The following ANKLE2 variants were observed in gnomAD, a reference collection of about 807,000 sequenced individuals.
The protein encoded by ANKLE2 is ankyrin repeat and LEM domain-containing protein 2.
ANKLE2 carries 55 observed loss-of-function variants against 84.2 expected under a neutral mutation model. The observed-to-expected ratio is 0.65, with a 90% CI of 0.53 to 0.82. ANKLE2 has a LOEUF of 0.82. Ranked by LOEUF, ANKLE2 falls within the 40% of genes least tolerant of loss-of-function variation. The pLI is 0.00. For missense variants in ANKLE2, 1,238 were observed against 1,201.9 expected (o/e 1.03, Z -0.44); for synonymous variants, 551 against 486.1 (o/e 1.13, Z -1.76).
rs1329025937 is a variant in ANKLE2 at position 132,732,642 on chromosome 12, C to T, written c.1891+1743G>A. On this transcript the variant is annotated intron_variant, in intron 10 of 12. Transcript: ENST00000357997. ...CTGGTGTCTGATACGCACCGTGAAG[C>T]GCTCTGCGTGCTGGTGTCTGATACG... Among the ~76,000 whole-genome samples the T allele has an allele frequency of 2.2e-4, 21 of 96,622 alleles. 2 individuals carry two copies. In the South Asian group the frequency reaches 3.6e-3, roughly 16 times the overall value. 63.4% of individuals were successfully genotyped at this position (96,622 alleles called of 152,430 possible).
chr12:132,754,695 TCATACACTGGACACA>T lies in ANKLE2; in HGVS notation c.605_619del (p.Val202_Tyr206del), dbSNP rs773590778. 4 of 1,609,786 alleles carry T rather than the reference TCATACACTGGACACA, an allele frequency of 2.5e-6. No individual in the cohort carries two copies. In the Admixed American group the frequency reaches 5.1e-5, roughly 20 times the overall value. Reference sequence around the variant, plus strand: ...ATTACCATTTCTCGCTGGGACGTCCTCATACACTGGACACACCCCATAGTACAGGGGCGGCTCCTT... The same window carrying T: ...ATTACCATTTCTCGCTGGGACGTCCTCCCCATAGTACAGGGGCGGCTCCTT... On this transcript the variant is annotated inframe_deletion, in exon 2 of 13. Coordinates refer to ENST00000357997, the MANE Select transcript of ANKLE2 (RefSeq NM_015114.3).
At chr12:132,749,702 G>T (rs1247917578) in intron 3 of ANKLE2, among the ~76,000 whole-genome samples, 1 of 152,228 alleles carries the variant, frequency 6.6e-6, no homozygotes. Context: ...GGTAAAGGCG[G>T]AGGTTCTACC....
At chr12:132,758,434 G>A (rs2044530142) in intron 1 of ANKLE2, 2 of 152,264 alleles carry the variant, frequency 1.3e-5, no homozygotes, top group African/African-American at 4.8e-5. Context: ...GAAATTGGAA[G>A]TATCAGTATG....
At chr12:132,732,705 G>A (rs1474217940) in intron 10 of ANKLE2, among the ~76,000 whole-genome samples, 7 of 111,278 alleles carry the variant, frequency 6.3e-5, no homozygotes, top group Non-Finnish European at 3.9e-5. Context: ...TGTCTGATAT[G>A]CACCGTGTGA....
In ANKLE2 at chr12:132,730,176, GC is replaced by G. The variant is rs766048978; in HGVS notation, c.1985del (p.Ser662ThrfsTer25). The G allele has an allele frequency of 1.9e-6, 3 of 1,607,290 alleles. No individual in the cohort carries two copies. The highest frequency in any genetic ancestry group is 8.5e-7 in the Non-Finnish European group (1 of 1,176,322). ...KNRQNAARNN[S>X]PPTVGAFGHT... Reference sequence around the variant, plus strand: ...GTCCAAAAGCACCGACTGTGGGCGGGCTGTTATTTCGAGCTGCATTTTGCCG... The same window carrying G: ...GTCCAAAAGCACCGACTGTGGGCGGGTGTTATTTCGAGCTGCATTTTGCCG... On this transcript the variant is annotated frameshift_variant, in exon 11 of 13. Coordinates refer to ENST00000357997, the MANE Select transcript of ANKLE2 (RefSeq NM_015114.3). LOFTEE classifies it high-confidence loss of function.
At chr12:132,739,006 G>A (rs1253996561) in intron 7 of ANKLE2, 1 of 152,146 alleles carries the variant, frequency 6.6e-6, no homozygotes. Flanking sequence ...AACTGACACA[G>A]GCAAGAAAAC....
At position 132,734,442 on chromosome 12, in the gene ANKLE2, C is replaced by G; in HGVS notation, c.1834G>C (p.Ala612Pro). 1 of 1,614,110 alleles carries G rather than the reference C, an allele frequency of 6.2e-7. No homozygotes were observed. The change falls in exon 10 of 13, where the codon GCT (alanine) becomes CCT (proline). Residue 612 changes from alanine to proline, a missense_variant. Transcript: ENST00000357997. ...YLTQQEIGKK[A>P]QQETGEREAS... ...TCCCGTTCTCCTGTTTCTTGTTGAGCCTTTTTGCCTATTTCCTGCTGTGTG... is the reference window on the plus strand; with the variant it reads ...TCCCGTTCTCCTGTTTCTTGTTGAGGCTTTTTGCCTATTTCCTGCTGTGTG...
At chr12:132,744,847 A>AT (rs2136149577) in intron 5 of ANKLE2, among the ~76,000 whole-genome samples, 1 of 152,130 alleles carries the variant, frequency 6.6e-6, no homozygotes, top group Non-Finnish European at 1.5e-5. Context: ...CGCCCAGCTA[A>AT]TTTTTTGTAT....
rs558713619 is a variant in ANKLE2, at chr12:132,733,971, G to A, written c.1891+414C>T. ...CCATTATTTTTCATGTACCCTCCCC[G>A]ACACACAACCCATTTAACATTAACC... On this transcript the variant is annotated intron_variant, in intron 10 of 12. Transcript: ENST00000357997. 1.1e-4 allele frequency: 52 copies of A among 457,854 alleles called. 1 individual carries two copies. The highest frequency in any genetic ancestry group is 8.2e-4 in the African/African-American group (41 of 49,994). The allele number at this position is 457,854 out of a possible 1,614,324, so 28.4% of individuals were successfully genotyped here. A position where few individuals can be genotyped will look rare whatever the true frequency, so the allele number is the denominator to read the frequency against.
chr12:132,730,639 T>G, intron 10 of ANKLE2: 1 of 242,788 alleles, frequency 4.1e-6, no homozygotes, highest in Non-Finnish European at 8.2e-6. Context: ...CTGGGCAACA[T>G]AGCGAAACCC....
chr12:132,741,887 A>G (rs1459477834), intron 6 of ANKLE2: 1 of 460,764 alleles, frequency 2.2e-6, no homozygotes, highest in Admixed American at 2.4e-5. Flanking sequence ...GTCAAGGTGG[A>G]GCTCCTAAGT....
At chr12:132,740,492 TTGCGGACCC>T in intron 7 of ANKLE2, among the ~76,000 whole-genome samples, 1 of 152,194 alleles carries the variant, frequency 6.6e-6, no homozygotes, top group South Asian at 2.1e-4. Flanking sequence ...AAGCAGTCAT[TTGCGGACCC>T]TGCTTTAAAT....
chr12:132,754,551 G>T, intron 2 of ANKLE2, 124 bp downstream of exon 2: 1 of 868,306 alleles, frequency 1.2e-6, no homozygotes, highest in Non-Finnish European at 1.7e-6. Context: ...GTTAACTGGG[G>T]TGATGAGATG....
At chr12:132,734,708 T>C (rs1193914162) in intron 9 of ANKLE2, 133 bp from the exon 10 acceptor site, 1 of 898,332 alleles carries the variant, frequency 1.1e-6, no homozygotes, top group African/African-American at 1.7e-5. Flanking sequence ...CCTTTATCCT[T>C]AACTGGCAGC....
chr12:132,741,229 A>T (rs1349985829), intron 7 of ANKLE2, among the ~76,000 whole-genome samples, 190 bp downstream of exon 7: 1 of 152,254 alleles, frequency 6.6e-6, no homozygotes, highest in Non-Finnish European at 1.5e-5. Context: ...GAGAAGGGAT[A>T]ACAGAAAAAA....
intron 9 of ANKLE2, chr12:132,734,994 C>A (rs990509549): frequency 6.9e-6 from 2 of 288,818 alleles, no homozygotes; most frequent in South Asian, 4.2e-5. Context: ...ACACCTGACA[C>A]TGGGCACATA....
rs763948286 is a variant in ANKLE2, at chr12:132,730,097, C to T, written c.2065G>A (p.Ala689Thr). ...LEQEADLIEA[A>T]EPGGPHSSRN... ...CTGCTGTGTGGACCTCCCGGCTCGG[C>T]GGCTTCTATGAGGTCTGCCTCCTGC... is the stretch of plus-strand genomic sequence containing the variant. The change falls in exon 11 of 13, where the codon GCC becomes ACC. Residue 689 changes from alanine (A) to threonine (T), a missense_variant. By Grantham distance (58) the Ala-to-Thr change is moderately conservative (BLOSUM62 0). Coordinates refer to ENST00000357997, the MANE Select transcript of ANKLE2 (RefSeq NM_015114.3). The T allele has an allele frequency of 2.4e-5, 38 of 1,612,210 alleles. No homozygotes were observed. The highest frequency in any genetic ancestry group is 1.6e-4 in the Middle Eastern group (1 of 6,074).
intron 8 of ANKLE2, among the ~76,000 whole-genome samples, chr12:132,736,263 A>G (rs1033890568): frequency 2.0e-5 from 3 of 152,330 alleles, no homozygotes; most frequent in Non-Finnish European, 2.9e-5. Flanking sequence ...AGCCGTTTTC[A>G]TCGCAACTGA....
At chr12:132,749,403 G>A (rs577530613) in intron 3 of ANKLE2, among the ~76,000 whole-genome samples, 3 of 152,302 alleles carry the variant, frequency 2.0e-5, no homozygotes, top group South Asian at 2.1e-4. Flanking sequence ...TGATCCACCC[G>A]CCTCAGCCTC....
Sources: gnomAD v4.1 joint callset for allele counts (sites outside exome capture counted in the v4.1 genomes callset) on GRCh38, gnomAD v4.1.1 for gene constraint, MANE v1.5 for transcripts, NCBI Gene and HGNC (gene_info 2026-07-23, HGNC 2026-07-21) for gene names.